The following COL1A1 variants were observed in gnomAD, a reference collection of about 807,000 sequenced individuals.
COL1A1 encodes collagen alpha-1(I) chain.
Under a neutral mutation model 195.7 loss-of-function variants are expected in COL1A1, and 21 were observed. That is an observed-to-expected ratio of 0.11 (90% CI 0.08 to 0.15). The LOEUF (loss-of-function observed/expected upper bound fraction) is 0.15. Ranked by LOEUF, COL1A1 falls within the 10% of genes least tolerant of loss-of-function variation. The pLI, the probability that COL1A1 is intolerant of heterozygous loss-of-function variation, is 1.00. For missense variants in COL1A1, 1,365 were observed against 2,051.0 expected (o/e 0.67, Z 6.46); for synonymous variants, 749 against 747.3 (o/e 1.00, Z -0.04).
At chr17:50,191,909 G>A (rs1159701028) in intron 30 of COL1A1, 23 bp from the exon 31 acceptor site, 3 of 1,605,094 alleles carry the variant, frequency 1.9e-6, no homozygotes, top group Admixed American at 3.4e-5. Context: ...GACAGGGCAT[G>A]TGAAGGCTGC....
At chr17:50,201,366 G>T (rs1481630031) in intron 1 of COL1A1, 45 bp downstream of exon 1, 1 of 1,585,288 alleles carries the variant, frequency 6.3e-7, no homozygotes, top group Non-Finnish European at 8.6e-7. Flanking sequence ...CAAGCGCAAG[G>T]CGCGATATAG....
rs1907343505 is a variant in COL1A1 at position 50,194,096 on chromosome 17, C to T, written c.1668+34G>A. On this transcript the variant is annotated intron_variant, in intron 24 of 50. Transcript: ENST00000225964. This position sits in a 1 kb window ranked among gnomAD's most constrained non-coding sequence, Gnocchi z 6.8. The stretch of plus-strand genomic sequence containing the variant: ...GAGGACAGCAGGGAGGCAGACAGGA[C>T]AATGGCAGGGGGTTCAGGGGGAGTG... 4 of 1,611,560 alleles carry T rather than the reference C, an allele frequency of 2.5e-6. No homozygotes were observed. Among genetic ancestry groups the T allele is most frequent in the Non-Finnish European group, 3.4e-6 (4 of 1,178,014 alleles).
intron 1 of COL1A1, 74 bp downstream of exon 1, chr17:50,201,337 A>T: frequency 7.3e-7 from 1 of 1,371,180 alleles, no homozygotes; most frequent in Non-Finnish European, 1.0e-6. Context: ...GTCTCGTTTT[A>T]AGCCGCGGCC....
rs1598284153 is a variant in COL1A1 at position 50,185,865 on chromosome 17, G to A, written c.4161C>T (p.Ala1387=). Residue 1387 remains alanine (A), a synonymous_variant, in exon 50 of 51, where the codon GCC becomes GCT. Coordinates refer to ENST00000225964, the MANE Select transcript of COL1A1 (RefSeq NM_000088.4). The part of the protein sequence containing the change: ...MDQQTGNLKK[A]LLLQGSNEIE... ...TCTCGTTGGAGCCCTGGAGGAGCAG[G>A]GCCTTCTTGAGGTTGCCAGTCTGCT... is the stretch of plus-strand genomic sequence containing the variant. 2 of 1,614,018 alleles carry A rather than the reference G, an allele frequency of 1.2e-6. No homozygotes were observed. The highest frequency in any genetic ancestry group is 1.3e-5 in the African/African-American group (1 of 74,898).
Position 50,188,557 on chromosome 17 carries a change from A to G in COL1A1, c.3180T>C (p.Ala1060=), listed in dbSNP as rs781734891. Residue 1060 remains alanine, a synonymous_variant, in exon 43 of 51, where the codon GCT becomes GCC. Coordinates refer to ENST00000225964, the MANE Select transcript of COL1A1 (RefSeq NM_000088.4). The surrounding 1 kb of genome is among the most constrained non-coding windows in gnomAD (Gnocchi z 5.6). ...TCTCACCACGATCACCACTCTTGCCAGCAGGGCCAACGGGGCCAGGGGCAC... is the reference window on the plus strand; with the variant it reads ...TCTCACCACGATCACCACTCTTGCCGGCAGGGCCAACGGGGCCAGGGGCAC... ...APGAPGPVGP[A]GKSGDRGETG... The G allele has an allele frequency of 6.2e-7, 1 of 1,614,078 alleles. No individual in the cohort carries two copies. The highest frequency in any genetic ancestry group is 8.5e-7 in the Non-Finnish European group (1 of 1,179,990).
chr17:50,189,046 T>G lies in COL1A1; in HGVS notation c.2938-36A>C. 1 of 1,590,486 alleles carries G rather than the reference T, an allele frequency of 6.3e-7. No individual in the cohort carries two copies. The highest frequency in any genetic ancestry group is 8.6e-7 in the Non-Finnish European group (1 of 1,158,942). ...AGAAAGAGTCAGGCCAGAGATAGGG[T>G]CTGGGAGGACCCTTGAGTCCGCTGG... On this transcript the variant is annotated intron_variant, in intron 40 of 50. Transcript: ENST00000225964. The surrounding 1 kb of genome is among the most constrained non-coding windows in gnomAD (Gnocchi z 5.5).
chr17:50,187,623 G>T, intron 45 of COL1A1, 86 bp from the exon 46 acceptor site: 1 of 1,415,494 alleles, frequency 7.1e-7, no homozygotes, highest in Non-Finnish European at 1.0e-6. Context: ...AGGGCAGTGT[G>T]GGCAACCCAT....
intron 46 of COL1A1, 88 bp downstream of exon 46, chr17:50,187,396 G>A: frequency 7.3e-7 from 1 of 1,363,566 alleles, no homozygotes; most frequent in South Asian, 1.2e-5. Flanking sequence ...TCTCCAGAGA[G>A]GCAAAGGGTG....
chr17:50,191,477 G>A lies in COL1A1; in HGVS notation c.2141C>T (p.Ala714Val), dbSNP rs776855573. Residue 714 changes from alanine to valine, a missense_variant, in exon 32 of 51, where the codon GCC (alanine) becomes GTC (valine). Ala to Val is a moderately conservative substitution (Grantham distance 64, BLOSUM62 0). This residue lies in a region of COL1A1 where 671 missense variants were observed against 1,099.9 expected (regional missense o/e 0.61). Coordinates refer to ENST00000225964, the MANE Select transcript of COL1A1 (RefSeq NM_000088.4). ...GNDGAKGDAG[A>V]PGAPGSQGAP... ...GCCCTGGCTACCGGGAGCTCCAGGG[G>A]CACCAGCATCACCCTATGTGACAAC... The A allele has an allele frequency of 1.9e-6, 3 of 1,613,914 alleles. No homozygotes were observed. The highest frequency in any genetic ancestry group is 1.3e-5 in the African/African-American group (1 of 75,014).
In COL1A1 at chr17:50,194,455, G is replaced by A. The variant is rs770509004; in HGVS notation, c.1516-8C>T. 6.2e-7 allele frequency: 1 copy of A among 1,614,002 alleles called. No individual in the cohort carries two copies. ...ACGTTCACCAGCGGGACCCTGGTTG[G>A]GGGAAGTCACAGGAACAGTTAGGGT... On this transcript the variant is annotated splice_region_variant and splice_polypyrimidine_tract_variant and intron_variant, in intron 22 of 50. Transcript: ENST00000225964. This position sits in a 1 kb window ranked among gnomAD's most constrained non-coding sequence, Gnocchi z 6.8.
intron 27 of COL1A1, 50 bp downstream of exon 27, chr17:50,192,747 G>C (rs1907206662): frequency 6.2e-7 from 1 of 1,613,924 alleles, no homozygotes; most frequent in Non-Finnish European, 8.5e-7. Context: ...GAGGGGCTGA[G>C]GGTGTCTCCC....
chr17:50,188,693 G>A lies in COL1A1; in HGVS notation c.3099+49C>T, dbSNP rs1906782954. 6.2e-7 allele frequency: 1 copy of A among 1,613,072 alleles called. No individual in the cohort carries two copies. Among genetic ancestry groups the A allele is most frequent in the Non-Finnish European group, 8.5e-7 (1 of 1,179,176 alleles). On this transcript the variant is annotated intron_variant, in intron 42 of 50. Coordinates refer to ENST00000225964, the MANE Select transcript of COL1A1 (RefSeq NM_000088.4). This position sits in a 1 kb window ranked among gnomAD's most constrained non-coding sequence, Gnocchi z 5.6. ...GCCCCGGGTGAAGGGCCAGGATGGG[G>A]CAGGGAAGCAGCAGACAAGGCTGTG...
rs562569755 is a variant in COL1A1, at chr17:50,193,775, C to T, written c.1767+168G>A. On this transcript the variant is annotated intron_variant, in intron 25 of 50. Transcript: ENST00000225964. ...GGATTACAGGCATGAGCCACCGTGC[C>T]CCGCCGAGAAGTCTTTCATTTTACA... The T allele has an allele frequency of 2.3e-5, 16 of 707,824 alleles. No homozygotes were observed. The African/African-American group carries it at 2.5e-4, about 11-fold the overall frequency. 43.8% of individuals were successfully genotyped at this position (707,824 alleles called of 1,614,324 possible).
Position 50,201,522 on chromosome 17 carries a change from C to G in COL1A1, c.-9G>C. ...TCCACAAAGCTGAACATGTCTAGAC[C>G]CTAGACATGTAGACTCTTTGTGGCT... On this transcript the variant is annotated 5_prime_UTR_variant, in exon 1 of 51. Coordinates refer to ENST00000225964, the MANE Select transcript of COL1A1 (RefSeq NM_000088.4). The G allele has an allele frequency of 6.2e-7, 1 of 1,605,864 alleles. No homozygotes were observed. Among genetic ancestry groups the G allele is most frequent in the Non-Finnish European group, 8.5e-7 (1 of 1,176,118 alleles).
chr17:50,185,588 G>A lies in COL1A1; in HGVS notation c.4309C>T (p.Leu1437=). The change falls in exon 51 of 51, where the codon CTG becomes TTG. Residue 1437 remains leucine, a synonymous_variant. Coordinates refer to ENST00000225964, the MANE Select transcript of COL1A1 (RefSeq NM_000088.4). ...AAGGGGGCCACATCGATGATGGGCA[G>A]GCGGGAGGTCTTGGTGGTTTTGTAT... The part of the protein sequence containing the change: ...IEYKTTKTSR[L]PIIDVAPLDV... The A allele has an allele frequency of 6.2e-7, 1 of 1,614,048 alleles. No homozygotes were observed. Among genetic ancestry groups the A allele is most frequent in the Non-Finnish European group, 8.5e-7 (1 of 1,180,022 alleles).
intron 45 of COL1A1, 143 bp downstream of exon 45, chr17:50,187,733 T>A: frequency 1.1e-6 from 1 of 952,268 alleles, no homozygotes; most frequent in South Asian, 1.5e-5. Flanking sequence ...CAGAAGCTAC[T>A]TGGACATGCC....
rs1906769403 is a variant in COL1A1 at position 50,188,615 on chromosome 17, G to A, written c.3122C>T (p.Pro1041Leu). Residue 1041 changes from proline (P) to leucine (L), a missense_variant, in exon 43 of 51, where the codon CCC becomes CTC. Pro to Leu is a moderately conservative substitution (Grantham distance 98, BLOSUM62 -3). This residue lies in a region of COL1A1 where 671 missense variants were observed against 1,099.9 expected (regional missense o/e 0.61). Coordinates refer to ENST00000225964, the MANE Select transcript of COL1A1 (RefSeq NM_000088.4). This position sits in a 1 kb window ranked among gnomAD's most constrained non-coding sequence, Gnocchi z 5.6. ...GAKGDRGETG[P>L]AGPPGAPGAP... is the part of the protein sequence containing the mutation. Reference sequence around the variant, plus strand: ...ACCAGGAGCACCAGGGGGTCCAGCGGGGCCGGTCTCACCACGGTCACCCTG... The same window carrying A: ...ACCAGGAGCACCAGGGGGTCCAGCGAGGCCGGTCTCACCACGGTCACCCTG... 2 of 1,612,910 alleles carry A rather than the reference G, an allele frequency of 1.2e-6. No homozygotes were observed. Among genetic ancestry groups the A allele is most frequent in the African/African-American group, 1.3e-5 (1 of 74,612 alleles).
chr17:50,199,682 G>A (rs1313601087), intron 2 of COL1A1, 71 bp downstream of exon 2: 27 of 1,603,204 alleles, frequency 1.7e-5, no homozygotes, highest in Non-Finnish European at 2.2e-5. Context: ...AGCGAGCGCC[G>A]ACCACCCCCA....
chr17:50,199,356 G>A (rs1442814044), intron 4 of COL1A1, 29 bp from the exon 5 acceptor site: 2 of 1,599,370 alleles, frequency 1.3e-6, no homozygotes, highest in Admixed American at 1.7e-5. Flanking sequence ...GGGCCGGGGT[G>A]AGCGTGGGGC....
Sources: gnomAD v4.1 joint callset for allele counts on GRCh38, gnomAD v4.1.1 for gene constraint, gnomAD v4.1.1 regional missense constraint, Gnocchi (gnomAD v3.1) non-coding constraint, MANE v1.5 for transcripts, NCBI Gene and HGNC (gene_info 2026-07-23, HGNC 2026-07-21) for gene names.